Variants in BRCA2 observed in about 807,000 individuals in gnomAD.
The protein encoded by BRCA2 is breast cancer type 2 susceptibility protein.
A neutral mutation model predicts 276.7 loss-of-function variants in BRCA2; 203 were observed. The observed-to-expected ratio is 0.73, with a 90% confidence interval of 0.65 to 0.82. The LOEUF is 0.82. Among genes scored for constraint, BRCA2 ranks in the 40% least tolerant of loss-of-function variants. BRCA2 has a pLI of 0.00. For synonymous variants in BRCA2, 1,289 were observed against 1,338.4 expected, an observed-to-expected ratio of 0.96 and a Z score of 0.81; for missense variants, 3,920 against 3,915.0, an observed-to-expected ratio of 1.00 and a Z score of -0.03.
At chr13:32,351,127 A>G (rs573667120) in intron 13 of BRCA2, among the ~76,000 whole-genome samples, 3 of 152,336 alleles carry the variant, frequency 2.0e-5, no homozygotes, top group East Asian at 1.9e-4. Context: ...GCTCGGCTCC[A>G]CTTCCATGCC....
At chr13:32,319,036 G>C (rs1304189445) in intron 2 of BRCA2, 41 bp from the exon 3 acceptor site, 3 of 1,607,944 alleles carry the variant, frequency 1.9e-6, no homozygotes, top group Non-Finnish European at 1.7e-6. Flanking sequence ...AAATTTGTCT[G>C]TCACTGGTTA....
intron 16 of BRCA2, among the ~76,000 whole-genome samples, chr13:32,362,224 C>G (rs1181016008): frequency 6.6e-6 from 1 of 151,972 alleles, no homozygotes; most frequent in East Asian, 1.9e-4. Flanking sequence ...ATGTGGGGGT[C>G]TCACTATGTT....
At chr13:32,365,505 C>T (rs891144047) in intron 18 of BRCA2, among the ~76,000 whole-genome samples, 13 of 151,972 alleles carry the variant, frequency 8.6e-5, no homozygotes, top group South Asian at 2.1e-4. Flanking sequence ...CTCAGCCTCC[C>T]GAGTAGCTGG....
rs866473840 is a variant in BRCA2, at chr13:32,332,714, C to A, written c.1236C>A (p.Pro412=). Residue 412 remains proline, a synonymous_variant, in exon 10 of 27, where the codon CCC becomes CCA. Coordinates refer to ENST00000380152, the MANE Select transcript of BRCA2 (RefSeq NM_000059.4). ...GLNGAQMEKI[P]LLHISSCDQN... Reference sequence around the variant, plus strand: ...ATGGAGCCCAGATGGAGAAAATACCCCTATTGCATATTTCTTCATGTGACC... The same window carrying A: ...ATGGAGCCCAGATGGAGAAAATACCACTATTGCATATTTCTTCATGTGACC... 6.2e-7 allele frequency: 1 copy of A among 1,613,342 alleles called. No homozygotes were observed. Among genetic ancestry groups the A allele is most frequent in the Middle Eastern group, 1.7e-4 (1 of 6,058 alleles).
In BRCA2 at chr13:32,373,331, C is replaced by T. The variant is rs140438658; in HGVS notation, c.8632+2231C>T. Among the ~76,000 whole-genome samples, 1,003 of 151,712 alleles carry T rather than the reference C, an allele frequency of 6.6e-3. 8 individuals carry two copies. Among genetic ancestry groups the T allele is most frequent in the African/African-American group, 0.023 (961 of 41,388 alleles). On this transcript the variant is annotated intron_variant, in intron 20 of 26. Transcript: ENST00000380152. ...GACCAGCCTGGCCAACATGGTGAAA[C>T]CCTGTTTCTATGAAAAATTCAAAAA...
chr13:32,336,798 A>C lies in BRCA2; in HGVS notation c.2443A>C (p.Met815Leu), dbSNP rs786203814. The C allele has an allele frequency of 6.2e-7, 1 of 1,607,686 alleles. No individual in the cohort carries two copies. The highest frequency in any genetic ancestry group is 8.5e-7 in the Non-Finnish European group (1 of 1,177,800). Residue 815 changes from methionine (M) to leucine (L), a missense_variant, in exon 11 of 27, where the codon ATG becomes CTG. By Grantham distance (15) the Met-to-Leu change is conservative (BLOSUM62 2). This residue lies in a region of BRCA2 where 3,263 missense variants were observed against 3,156.9 expected (regional missense o/e 1.03). Transcript: ENST00000380152. ...SDVELTKNIP[M>L]EKNQDVCALN... ...TGTTGAATTAACCAAAAATATTCCC[A>C]TGGAAAAGAATCAAGATGTATGTGC...
In BRCA2 at chr13:32,379,506, A is replaced by C. The variant is rs80359145; in HGVS notation, c.8944A>C (p.Lys2982Gln). The C allele has an allele frequency of 1.1e-5, 17 of 1,612,742 alleles. No homozygotes were observed. In the South Asian group the frequency reaches 1.1e-4, roughly 10 times the overall value. The change falls in exon 22 of 27, where the codon AAA becomes CAA. Residue 2982 changes from lysine to glutamine, a missense_variant. Physicochemically the swap from Lys to Gln is moderately conservative, Grantham distance 53 (BLOSUM62 1). This residue lies in a region of BRCA2 where 657 missense variants were observed against 758.2 expected (regional missense o/e 0.87). Coordinates refer to ENST00000380152, the MANE Select transcript of BRCA2 (RefSeq NM_000059.4). ...LRIVSYSKKE[K>Q]DSVILSIWRP... ...TATTGTAAGCTATTCAAAAAAAGAA[A>C]AAGATTCAGGTAAGTATGTAAATGC...
intron 3 of BRCA2, among the ~76,000 whole-genome samples, chr13:32,321,857 C>T (rs1320466580): frequency 2.6e-5 from 4 of 152,178 alleles, no homozygotes; most frequent in Non-Finnish European, 4.4e-5. Context: ...TACCATTCTT[C>T]AGCTTATTAA....
At chr13:32,341,942 A>G (rs2072574429) in intron 11 of BRCA2, among the ~76,000 whole-genome samples, 1 of 152,064 alleles carries the variant, frequency 6.6e-6, no homozygotes, top group South Asian at 2.1e-4. Flanking sequence ...CACTACTTAC[A>G]TAGCTTCAGT....
chr13:32,315,249 TA>T (rs1210840540), upstream of BRCA2: 1 of 152,314 alleles, frequency 6.6e-6, no homozygotes, highest in Non-Finnish European at 1.5e-5. Flanking sequence ...GGAGTAGGCA[TA>T]GGGGCGGCCC....
rs374191973 is a variant in BRCA2, at chr13:32,338,070, A to G, written c.3715A>G (p.Lys1239Glu). ...VSTEALQKAV[K>E]LFSDIENISE... ...TACTGAAGCTCTGCAAAAAGCTGTG[A>G]AACTGTTTAGTGATATTGAGAATAT... Residue 1239 changes from lysine (K) to glutamate (E), a missense_variant, in exon 11 of 27, where the codon AAA becomes GAA. By Grantham distance (56) the Lys-to-Glu change is moderately conservative. Coordinates refer to ENST00000380152, the MANE Select transcript of BRCA2 (RefSeq NM_000059.4). 9.3e-6 allele frequency: 15 copies of G among 1,611,606 alleles called. No individual in the cohort carries two copies. The African/African-American group carries it at 1.7e-4, about 19-fold the overall frequency.
Position 32,319,099 on chromosome 13 carries a change from T to C in BRCA2, c.90T>C (p.Asn30=), listed in dbSNP as rs760655471. Residue 30 remains asparagine, a synonymous_variant, in exon 3 of 27, where the codon AAT becomes AAC. Coordinates refer to ENST00000380152, the MANE Select transcript of BRCA2 (RefSeq NM_000059.4). ...NKADLGPISL[N]WFEELSSEAP... is the part of the protein sequence containing the mutation. ...TAGATTTAGGACCAATAAGTCTTAATTGGTTTGAAGAACTTTCTTCAGAAG... is the reference window on the plus strand; with the variant it reads ...TAGATTTAGGACCAATAAGTCTTAACTGGTTTGAAGAACTTTCTTCAGAAG... The C allele has an allele frequency of 3.7e-6, 6 of 1,612,920 alleles. No homozygotes were observed. In the Admixed American group the frequency reaches 8.3e-5, roughly 22 times the overall value.
intron 9 of BRCA2, among the ~76,000 whole-genome samples, chr13:32,332,057 A>G (rs866954530): frequency 2.0e-5 from 3 of 152,208 alleles, no homozygotes; most frequent in Non-Finnish European, 4.4e-5. Context: ...CTTTAGGTTC[A>G]TTGGAATCAG....
In BRCA2 at chr13:32,363,318, A is replaced by T. The variant is rs1196515495; in HGVS notation, c.8116A>T (p.Asn2706Tyr). ...CGCAAATATATCTGAAACTTCTAGC[A>T]ATAAAACTAGTAGTGCAGATACCCA... ...LSANISETSSNKTSSADTQKV... is the reference protein window; with the variant it reads ...LSANISETSSYKTSSADTQKV... The change falls in exon 18 of 27, where the codon AAT becomes TAT. Residue 2706 changes from asparagine (N) to tyrosine (Y), a missense_variant. Asn to Tyr is a moderately radical substitution (Grantham distance 143, BLOSUM62 -2). Transcript: ENST00000380152. 1 of 1,614,232 alleles carries T rather than the reference A, an allele frequency of 6.2e-7. No individual in the cohort carries two copies. Among genetic ancestry groups the T allele is most frequent in the Non-Finnish European group, 8.5e-7 (1 of 1,180,030 alleles).
intron 24 of BRCA2, among the ~76,000 whole-genome samples, chr13:32,383,754 G>A (rs927790259): frequency 3.9e-5 from 6 of 152,114 alleles, no homozygotes; most frequent in Non-Finnish European, 7.4e-5. Flanking sequence ...TGTAGGTCAC[G>A]GTGGGTTTGA....
intron 2 of BRCA2, among the ~76,000 whole-genome samples, chr13:32,317,043 C>CA (rs2072267994): frequency 6.6e-6 from 1 of 152,022 alleles, no homozygotes. Context: ...ACTAAAAATA[C>CA]AAAAAATGTG....
At chr13:32,384,906 T>G (rs1224045155) in intron 24 of BRCA2, 7 of 321,674 alleles carry the variant, frequency 2.2e-5, no homozygotes, top group Non-Finnish European at 4.4e-5. Context: ...GCTGAAGACT[T>G]AATCCAGAAA....
At chr13:32,350,413 CAAGAG>C (rs1459005467) in intron 13 of BRCA2, among the ~76,000 whole-genome samples, 2 of 151,506 alleles carry the variant, frequency 1.3e-5, no homozygotes, top group Non-Finnish European at 2.9e-5. Context: ...AAAATTAACT[CAAGAG>C]AAAGCAAAAG....
intron 2 of BRCA2, among the ~76,000 whole-genome samples, chr13:32,316,953 T>G (rs2072266900): frequency 6.6e-6 from 1 of 152,200 alleles, no homozygotes; most frequent in African/African-American, 2.4e-5. Context: ...ATCCCAGCAC[T>G]TTGGGAGGCC....
Sources: allele counts gnomAD v4.1 joint callset (sites outside exome capture counted in the v4.1 genomes callset), GRCh38; gene constraint gnomAD v4.1.1; regional missense constraint gnomAD v4.1.1; transcripts MANE v1.5; gene names NCBI Gene and HGNC (gene_info 2026-07-23, HGNC 2026-07-21).